GALNTL6: variants seen among roughly 807,000 people sequenced by gnomAD.
The protein encoded by GALNTL6 is polypeptide N-acetylgalactosaminyltransferase-like 6.
Under a neutral mutation model 73.7 loss-of-function variants are expected in GALNTL6, and 46 were observed. That is an observed-to-expected ratio of 0.62 (90% CI 0.49 to 0.80). The LOEUF is 0.80. GALNTL6 is among the 30% of genes least tolerant of loss of function. The pLI is 0.00. For missense variants in GALNTL6, 604 were observed against 755.0 expected, an observed-to-expected ratio of 0.80 and a Z score of 2.34; for synonymous variants, 259 against 263.7, an observed-to-expected ratio of 0.98 and a Z score of 0.17.
intron 5 of GALNTL6, among the ~76,000 whole-genome samples, chr4:172,595,598 AG>A: frequency 6.6e-6 from 1 of 152,342 alleles, no homozygotes; most frequent in East Asian, 1.9e-4. Context: ...AGTATATCTT[AG>A]GGTTAATAGA....
intron 2 of GALNTL6, among the ~76,000 whole-genome samples, chr4:171,883,821 G>A (rs144535393): frequency 0.011 from 1,651 of 151,904 alleles, 34 homozygotes; most frequent in African/African-American, 0.038. Flanking sequence ...CTAATTTTTT[G>A]TATTTTTAGT....
At chr4:172,223,766 A>G (rs959946560) in intron 2 of GALNTL6, among the ~76,000 whole-genome samples, 1 of 152,130 alleles carries the variant, frequency 6.6e-6, no homozygotes, top group African/African-American at 2.4e-5. Flanking sequence ...CTTATTAATG[A>G]TATGATGTAA....
At chr4:172,983,618 C>G (rs1483403639) in intron 10 of GALNTL6, among the ~76,000 whole-genome samples, 1 of 152,132 alleles carries the variant, frequency 6.6e-6, no homozygotes, top group African/African-American at 2.4e-5. Flanking sequence ...TCACTTGAAC[C>G]TAGGAGGCAG....
rs189435676 is a variant in GALNTL6, at chr4:172,735,627, G to T, written c.554-73734G>T. On this transcript the variant is annotated intron_variant, in intron 5 of 12. Coordinates refer to ENST00000506823, the MANE Select transcript of GALNTL6 (RefSeq NM_001034845.3). The stretch of plus-strand genomic sequence containing the variant: ...TTTGACATGTAAGGACATGAGATTT[G>T]GGAGGGGCCCAGGGTGGAATGATAT... Among the ~76,000 whole-genome samples, 5 of 152,226 alleles carry T rather than the reference G, an allele frequency of 3.3e-5. No individual in the cohort carries two copies. In the East Asian group the frequency reaches 9.7e-4, roughly 29 times the overall value.
At chr4:172,655,007 G>T (rs1185212770) in intron 5 of GALNTL6, among the ~76,000 whole-genome samples, 1 of 152,106 alleles carries the variant, frequency 6.6e-6, no homozygotes, top group African/African-American at 2.4e-5. Context: ...CTAGTAAGGG[G>T]CAGAGCTTGA....
intron 5 of GALNTL6, among the ~76,000 whole-genome samples, chr4:172,761,662 GCTCTCTTTCTCTCT>G (rs1738103757): frequency 2.4e-5 from 1 of 41,024 alleles, no homozygotes; most frequent in South Asian, 7.4e-4. Flanking sequence ...CTTCGCCCTT[GCTCTCTTTCTCTCT>G]CTCTCTCTCT....
At chr4:171,995,977 T>C (rs984560768) in intron 2 of GALNTL6, among the ~76,000 whole-genome samples, 8 of 152,062 alleles carry the variant, frequency 5.3e-5, no homozygotes, top group African/African-American at 1.9e-4. Flanking sequence ...TTACCCACAA[T>C]TGGGGCATGA....
Position 172,992,974 on chromosome 4 carries a change from G to A in GALNTL6, c.1372-16204G>A, listed in dbSNP as rs572388312. On this transcript the variant is annotated intron_variant, in intron 10 of 12. Transcript: ENST00000506823. ...CCTAAGAATGAACAAGGGCAGCTTG[G>A]AGGTTAGAAGTGAGATCAGTCGATG... Among the ~76,000 whole-genome samples, 5 of 152,256 alleles carry A rather than the reference G, an allele frequency of 3.3e-5. No homozygotes were observed. The South Asian group carries it at 1.0e-3, about 32-fold the overall frequency.
intron 2 of GALNTL6, among the ~76,000 whole-genome samples, chr4:171,916,132 A>G (rs1447302153): frequency 6.6e-6 from 1 of 152,064 alleles, no homozygotes; most frequent in East Asian, 1.9e-4. Context: ...AAAATTAATT[A>G]TTGATTATAG....
intron 3 of GALNTL6, among the ~76,000 whole-genome samples, chr4:172,287,620 G>A (rs1739309336): frequency 6.6e-6 from 1 of 152,166 alleles, no homozygotes; most frequent in Non-Finnish European, 1.5e-5. Flanking sequence ...GAGGCAGAGT[G>A]CTGGATTCTG....
intron 3 of GALNTL6, among the ~76,000 whole-genome samples, chr4:172,242,386 C>T (rs1277923329): frequency 6.6e-6 from 1 of 151,884 alleles, no homozygotes; most frequent in Non-Finnish European, 1.5e-5. Context: ...GATATGTTTT[C>T]TAGAAAGCAT....
chr4:172,040,928 G>C (rs1393969990), intron 2 of GALNTL6, among the ~76,000 whole-genome samples: 1 of 151,960 alleles, frequency 6.6e-6, no homozygotes, highest in African/African-American at 2.4e-5. Context: ...AATATCATTT[G>C]TCTTAATTGG....
chr4:171,987,259 A>G (rs1341551663), intron 2 of GALNTL6, among the ~76,000 whole-genome samples: 1 of 152,156 alleles, frequency 6.6e-6, no homozygotes, highest in African/African-American at 2.4e-5. Context: ...AGTCCATTCT[A>G]CTTTTCCTGA....
intron 12 of GALNTL6, among the ~76,000 whole-genome samples, chr4:173,022,176 AGAGG>A (rs1204727803): frequency 6.1e-5 from 4 of 66,026 alleles, no homozygotes; most frequent in Admixed American, 3.6e-4. Flanking sequence ...AGGAAGGGAG[AGAGG>A]GAGGGAGGGA....
intron 5 of GALNTL6, among the ~76,000 whole-genome samples, chr4:172,504,175 A>AAAAAAAAAAAAAAAAAAAAC (rs1363544210): frequency 1.0e-4 from 4 of 39,290 alleles, no homozygotes; most frequent in African/African-American, 3.1e-4. Context: ...AAAAAAAAAA[A>AAAAAAAAAAAAAAAAAAAAC]AAAACTCACA....
chr4:172,517,684 G>T (rs1199727145), intron 5 of GALNTL6, among the ~76,000 whole-genome samples: 2 of 152,068 alleles, frequency 1.3e-5, no homozygotes, highest in Non-Finnish European at 2.9e-5. Flanking sequence ...AGATCAGAAT[G>T]AGTCATCTCA....
At chr4:172,949,433 G>T (rs1415350435) in intron 9 of GALNTL6, among the ~76,000 whole-genome samples, 2 of 152,088 alleles carry the variant, frequency 1.3e-5, no homozygotes, top group Non-Finnish European at 2.9e-5. Flanking sequence ...TCTGCTTTTT[G>T]CTATTCCCCA....
intron 10 of GALNTL6, among the ~76,000 whole-genome samples, chr4:172,991,383 C>G (rs1751530795): frequency 6.6e-6 from 1 of 151,778 alleles, no homozygotes; most frequent in African/African-American, 2.4e-5. Flanking sequence ...TTATGTTAAA[C>G]CCAGTTTTTG....
intron 12 of GALNTL6, among the ~76,000 whole-genome samples, chr4:173,031,585 A>G (rs1321722706): frequency 6.6e-6 from 1 of 151,832 alleles, no homozygotes; most frequent in Non-Finnish European, 1.5e-5. Context: ...CACATTCACT[A>G]TCTCTTCAGG....
Sources: allele counts gnomAD v4.1 joint callset (sites outside exome capture counted in the v4.1 genomes callset), GRCh38; gene constraint gnomAD v4.1.1; transcripts MANE v1.5; gene names NCBI Gene and HGNC (gene_info 2026-07-23, HGNC 2026-07-21).